The following ATP2B2 variants were observed in gnomAD, a reference collection of about 807,000 sequenced individuals.
ATP2B2 encodes ATPase plasma membrane Ca2+ transporting 2.
A neutral mutation model predicts 120.0 loss-of-function variants in ATP2B2; 15 were observed. The ratio of observed to expected loss-of-function variants is 0.12; its 90% CI spans 0.08 to 0.19. ATP2B2 has a LOEUF of 0.19. ATP2B2 is among the 10% of genes least tolerant of loss of function. The pLI is 1.00. For synonymous variants in ATP2B2, 694 were observed against 700.3 expected (o/e 0.99, Z 0.14); for missense variants, 1,045 against 1,719.8 (o/e 0.61, Z 6.94).
chr3:10,460,044 C>T (rs958512607), intron 1 of ATP2B2, among the ~76,000 whole-genome samples: 9 of 152,262 alleles, frequency 5.9e-5, no homozygotes, highest in Admixed American at 5.9e-4. Flanking sequence ...CAACAGGTCA[C>T]TGGCTGGTTG....
chr3:10,342,962 A>C lies in ATP2B2; in HGVS notation c.2707T>G (p.Ser903Ala). 6.2e-7 allele frequency: 1 copy of C among 1,613,904 alleles called. No homozygotes were observed. The highest frequency in any genetic ancestry group is 8.5e-7 in the Non-Finnish European group (1 of 1,179,966). ...AFTGACITQDSPLKAVQMLWV... is the reference protein window; with the variant it reads ...AFTGACITQDAPLKAVQMLWV... ...AGCATCTGCACGGCCTTCAGAGGGG[A>C]GTCCTGGGGACGGGCAGGAGAGGGC... The change falls in exon 19 of 23, where the codon TCC (serine) becomes GCC (alanine). Residue 903 changes from serine to alanine, a missense_variant. This residue lies in a region of ATP2B2 where 98 missense variants were observed against 266.7 expected (regional missense o/e 0.37). Coordinates refer to ENST00000360273, the MANE Select transcript of ATP2B2 (RefSeq NM_001001331.4). This position sits in a 1 kb window ranked among gnomAD's most constrained non-coding sequence, Gnocchi z 4.4.
At chr3:10,615,638 C>T (rs1270325053) in intron 2 of ATP2B2, among the ~76,000 whole-genome samples, 1 of 152,164 alleles carries the variant, frequency 6.6e-6, no homozygotes, top group Non-Finnish European at 1.5e-5. Context: ...TTTGTTTCTG[C>T]TAAACTCAGC....
intron 1 of ATP2B2, among the ~76,000 whole-genome samples, chr3:10,652,629 G>T (rs1185584631): frequency 6.6e-6 from 1 of 152,108 alleles, no homozygotes; most frequent in African/African-American, 2.4e-5. Flanking sequence ...AGAATTGAAA[G>T]CAGGGACACA....
At chr3:10,545,358 C>T (rs1342074789) in intron 2 of ATP2B2, among the ~76,000 whole-genome samples, 2 of 151,944 alleles carry the variant, frequency 1.3e-5, no homozygotes, top group Admixed American at 6.6e-5. Flanking sequence ...GGGGAAACTC[C>T]GTCTCTACAA....
intron 1 of ATP2B2, among the ~76,000 whole-genome samples, chr3:10,633,181 C>T (rs1478954829): frequency 6.6e-6 from 1 of 152,238 alleles, no homozygotes; most frequent in African/African-American, 2.4e-5. Flanking sequence ...GAGTTTCTCT[C>T]CCTTCATCAA....
chr3:10,707,879 A>C (rs1276925293), intron 1 of ATP2B2: 1 of 152,200 alleles, frequency 6.6e-6, no homozygotes, highest in Non-Finnish European at 1.5e-5. Context: ...AGAGGGGAAG[A>C]GGCCCAGAGC....
intron 2 of ATP2B2, among the ~76,000 whole-genome samples, chr3:10,597,675 C>A (rs942662818): frequency 7.2e-5 from 11 of 152,202 alleles, no homozygotes; most frequent in African/African-American, 2.7e-4. Context: ...TCGGTTCTAC[C>A]TCTTGCTAGC....
chr3:10,390,621 G>A (rs1431010829), intron 5 of ATP2B2, among the ~76,000 whole-genome samples: 1 of 152,100 alleles, frequency 6.6e-6, no homozygotes, highest in African/African-American at 2.4e-5. Flanking sequence ...TTTCAGGCAC[G>A]TAAATGCCAG....
intron 1 of ATP2B2, among the ~76,000 whole-genome samples, chr3:10,634,573 A>C (rs2069967118): frequency 6.6e-6 from 1 of 152,344 alleles, no homozygotes; most frequent in East Asian, 1.9e-4. Context: ...TTGAGAAAAC[A>C]CAATTTTGGG....
At chr3:10,394,715 G>A (rs1037205439) in intron 5 of ATP2B2, among the ~76,000 whole-genome samples, 2 of 151,456 alleles carry the variant, frequency 1.3e-5, no homozygotes, top group Non-Finnish European at 2.9e-5. Context: ...GTCCCAAGAG[G>A]GTTTACCGAT....
chr3:10,701,230 A>G (rs543845811), intron 1 of ATP2B2, among the ~76,000 whole-genome samples: 3 of 152,290 alleles, frequency 2.0e-5, no homozygotes, highest in African/African-American at 7.2e-5. Flanking sequence ...ATTCCATTCA[A>G]TGTGGCATCT....
At chr3:10,632,281 A>G (rs2069886678) in intron 1 of ATP2B2, among the ~76,000 whole-genome samples, 2 of 152,140 alleles carry the variant, frequency 1.3e-5, no homozygotes, top group Non-Finnish European at 2.9e-5. Flanking sequence ...GCTGGGTGTG[A>G]CTACTCCCAT....
chr3:10,703,358 C>T (rs2071848683), intron 1 of ATP2B2, among the ~76,000 whole-genome samples: 1 of 152,178 alleles, frequency 6.6e-6, no homozygotes, highest in African/African-American at 2.4e-5. Flanking sequence ...ACATGGTCTT[C>T]CTTCTAGGGA....
At chr3:10,503,860 C>T (rs778813161) in intron 1 of ATP2B2, among the ~76,000 whole-genome samples, 5 of 152,226 alleles carry the variant, frequency 3.3e-5, no homozygotes, top group Non-Finnish European at 7.3e-5. Context: ...GTTAGTGCTA[C>T]ATGCATGTGT....
intron 1 of ATP2B2, among the ~76,000 whole-genome samples, chr3:10,679,614 G>C (rs1478959624): frequency 1.3e-5 from 2 of 152,182 alleles, no homozygotes; most frequent in East Asian, 3.9e-4. Flanking sequence ...TTTGCACAGG[G>C]AGATGTGCCC....
rs372016307 is a variant in ATP2B2 at position 10,587,543 on chromosome 3, C to T, written c.-415+32374G>A. Reference sequence around the variant, plus strand: ...TACAGGTGCATGCCACCACACCCAGCTAATTTTTGTATTTTTAGTAGAGAG... The same window carrying T: ...TACAGGTGCATGCCACCACACCCAGTTAATTTTTGTATTTTTAGTAGAGAG... On this transcript the variant is annotated intron_variant, in intron 2 of 21. Transcript: ENST00000646379. Among the ~76,000 whole-genome samples, 7 of 152,152 alleles carry T rather than the reference C, an allele frequency of 4.6e-5. No individual in the cohort carries two copies. In the East Asian group the frequency reaches 1.2e-3, roughly 25 times the overall value.
rs770658039 is a variant in ATP2B2 at position 10,328,805 on chromosome 3, G to A, written c.*9C>T. The A allele has an allele frequency of 6.2e-7, 1 of 1,600,904 alleles. No individual in the cohort carries two copies. Among genetic ancestry groups the A allele is most frequent in the Non-Finnish European group, 8.5e-7 (1 of 1,170,268 alleles). ...ATGAGGGCGGGCGGGCAGGCGAGAG[G>A]GTCCTCAGCTAAAGCGACGTCTCCA... On this transcript the variant is annotated 3_prime_UTR_variant, in exon 23 of 23. Transcript: ENST00000360273.
chr3:10,515,118 G>T (rs2066851136), intron 3 of ATP2B2, among the ~76,000 whole-genome samples: 1 of 152,234 alleles, frequency 6.6e-6, no homozygotes, highest in Non-Finnish European at 1.5e-5. Flanking sequence ...GCATCAAAGA[G>T]ATGTGGGATT....
chr3:10,635,661 C>T lies in ATP2B2; in HGVS notation c.-459-15700G>A, dbSNP rs549468244. ...CACCTCCCAGGTAGCATTTTGCACG[C>T]GACAAGGACGCAGCATCCTCAGGCC... is the stretch of plus-strand genomic sequence containing the variant. On this transcript the variant is annotated intron_variant, in intron 1 of 21. Transcript: ENST00000646379. The surrounding 1 kb of genome is among the most constrained non-coding windows in gnomAD (Gnocchi z 4.3). Among the ~76,000 whole-genome samples, 48 of 152,284 alleles carry T rather than the reference C, an allele frequency of 3.2e-4. No homozygotes were observed. Among genetic ancestry groups the T allele is most frequent in the Admixed American group, 1.5e-3 (23 of 15,302 alleles).
Sources: gnomAD v4.1 joint callset for allele counts (sites outside exome capture counted in the v4.1 genomes callset) on GRCh38, gnomAD v4.1.1 for gene constraint, gnomAD v4.1.1 regional missense constraint, Gnocchi (gnomAD v3.1) non-coding constraint, MANE v1.5 for transcripts, NCBI Gene and HGNC (gene_info 2026-07-23, HGNC 2026-07-21) for gene names.